The following PDILT variants were observed in gnomAD, a reference collection of about 807,000 sequenced individuals.
PDILT encodes protein disulfide-isomerase-like protein of the testis.
PDILT carries 43 observed loss-of-function variants against 53.7 expected under a neutral mutation model. The ratio of observed to expected loss-of-function variants is 0.80; its 90% CI spans 0.63 to 1.03. The LOEUF (loss-of-function observed/expected upper bound fraction) is 1.03, where lower values mean the gene tolerates loss of function less well. PDILT is among the 50% of genes least tolerant of loss of function. The pLI is 0.00. For missense variants in PDILT, 727 were observed against 712.3 expected (o/e 1.02, Z -0.24); for synonymous variants, 282 against 274.2 (o/e 1.03, Z -0.28).
Position 20,376,198 on chromosome 16 carries a change from A to G in PDILT, c.413T>C (p.Val138Ala). The change falls in exon 4 of 12, where the codon GTG (valine) becomes GCG (alanine). Residue 138 changes from valine (V) to alanine (A), a missense_variant. Val to Ala is a moderately conservative substitution (Grantham distance 64). Transcript: ENST00000302451. ...AACGACTAAGGCAGCAGATTCAACC[A>G]CTCCTGGAGAAAGACACAGTCAAAT... is the stretch of plus-strand genomic sequence containing the variant. ...NRSEPISCKG[V>A]VESAALVVWL... 1 of 1,613,764 alleles carries G rather than the reference A, an allele frequency of 6.2e-7. No individual in the cohort carries two copies. Among genetic ancestry groups the G allele is most frequent in the Non-Finnish European group, 8.5e-7 (1 of 1,179,900 alleles).
intron 5 of PDILT, among the ~76,000 whole-genome samples, chr16:20,374,426 A>T (rs1966353516): frequency 6.6e-6 from 1 of 151,866 alleles, no homozygotes; most frequent in South Asian, 2.1e-4. Flanking sequence ...GGAGATTATG[A>T]CTTTGGGCTT....
chr16:20,362,396 C>G lies in PDILT; in HGVS notation c.1416+8G>C, dbSNP rs748202857. 1.2e-6 allele frequency: 2 copies of G among 1,613,460 alleles called. No individual in the cohort carries two copies. Among genetic ancestry groups the G allele is most frequent in the Non-Finnish European group, 1.7e-6 (2 of 1,179,618 alleles). ...TTTTCAGCCATGTGCGTCCCAAGAG[C>G]CCCTCACTTGTTGAGAGCCGCTGGG... On this transcript the variant is annotated splice_region_variant and intron_variant, in intron 10 of 11. Coordinates refer to ENST00000302451, the MANE Select transcript of PDILT (RefSeq NM_174924.2).
At chr16:20,390,394 A>G (rs1966594109) in intron 2 of PDILT, among the ~76,000 whole-genome samples, 1 of 152,010 alleles carries the variant, frequency 6.6e-6, no homozygotes, top group Admixed American at 6.5e-5. Context: ...TCTGCCCTAA[A>G]TCTGCATGGA....
chr16:20,364,011 C>T (rs900803378), intron 9 of PDILT, among the ~76,000 whole-genome samples: 1 of 152,142 alleles, frequency 6.6e-6, no homozygotes, highest in South Asian at 2.1e-4. Context: ...GATGATCATA[C>T]CCCATTTACA....
intron 2 of PDILT, 68 bp downstream of exon 2, chr16:20,399,031 G>A: frequency 1.3e-6 from 2 of 1,544,316 alleles, no homozygotes; most frequent in Non-Finnish European, 1.8e-6. Context: ...AAACTCTTCT[G>A]GTCCCCACAC....
In PDILT at chr16:20,401,216, G is replaced by T. The variant is rs944989143; in HGVS notation, c.-7-1909C>A. Among the ~76,000 whole-genome samples, 3 of 152,208 alleles carry T rather than the reference G, an allele frequency of 2.0e-5. No homozygotes were observed. The East Asian group carries it at 5.8e-4, about 29-fold the overall frequency. On this transcript the variant is annotated intron_variant, in intron 1 of 11. Transcript: ENST00000302451. Reference sequence around the variant, plus strand: ...GCCTTGAGTCCTTGATGATCTCAAGGTCCCAGAATTCACCAGGTGTTATGC... The same window carrying T: ...GCCTTGAGTCCTTGATGATCTCAAGTTCCCAGAATTCACCAGGTGTTATGC...
chr16:20,394,138 AAAG>A (rs1242948295), intron 2 of PDILT, among the ~76,000 whole-genome samples: 3 of 152,200 alleles, frequency 2.0e-5, no homozygotes, highest in African/African-American at 7.2e-5. Flanking sequence ...ATGAATATGC[AAAG>A]AAGGTCAAGG....
intron 10 of PDILT, 125 bp from the exon 11 acceptor site, chr16:20,360,782 A>T (rs1198012661): frequency 1.4e-6 from 1 of 695,692 alleles, no homozygotes; most frequent in Non-Finnish European, 2.6e-6. Context: ...CAGGTTCCCT[A>T]ACCTCTCTTA....
Position 20,402,517 on chromosome 16 carries a change from T to C in PDILT, c.-8+1979A>G, listed in dbSNP as rs544540521. Among the ~76,000 whole-genome samples the C allele has an allele frequency of 1.4e-3, 207 of 152,332 alleles. 1 individual carries two copies. The highest frequency in any genetic ancestry group is 8.5e-4 in the Non-Finnish European group (58 of 68,032). On this transcript the variant is annotated intron_variant, in intron 1 of 11. Coordinates refer to ENST00000302451, the MANE Select transcript of PDILT (RefSeq NM_174924.2). ...TTTCGCCATGTTGGCCAGGCTGGTC[T>C]GGAACTCCTGACCTCAGGTGATCCG...
chr16:20,394,384 G>A (rs1966638671), intron 2 of PDILT, among the ~76,000 whole-genome samples: 1 of 152,172 alleles, frequency 6.6e-6, no homozygotes. Flanking sequence ...ATAGCAAAAA[G>A]CAGGTGCAAT....
intron 2 of PDILT, among the ~76,000 whole-genome samples, chr16:20,385,580 C>G (rs970814588): frequency 1.3e-5 from 2 of 152,064 alleles, no homozygotes; most frequent in African/African-American, 4.8e-5. Context: ...ATTGGAGACT[C>G]AGATGCGGGG....
At chr16:20,400,072 A>ATATATTTTTT (rs753235349) in intron 1 of PDILT, among the ~76,000 whole-genome samples, 1 of 137,494 alleles carries the variant, frequency 7.3e-6, no homozygotes, top group Admixed American at 7.2e-5. Context: ...ATATATATAT[A>ATATATTTTTT]TTTTTTGAGA....
chr16:20,385,892 TATG>T (rs1173738549), intron 2 of PDILT: 1 of 152,198 alleles, frequency 6.6e-6, no homozygotes, highest in Admixed American at 6.5e-5. Context: ...GGTCAGAAAT[TATG>T]GAGACAGAGA....
chr16:20,394,907 A>AG (rs2141619901), intron 2 of PDILT, among the ~76,000 whole-genome samples: 1 of 152,338 alleles, frequency 6.6e-6, no homozygotes, highest in South Asian at 2.1e-4. Context: ...CCTGGGACTA[A>AG]GATGATATGG....
rs748977651 is a variant in PDILT, at chr16:20,399,164, A to G, written c.137T>C (p.Leu46Pro). Residue 46 changes from leucine to proline, a missense_variant, in exon 2 of 12, where the codon CTA (leucine) becomes CCA (proline). Coordinates refer to ENST00000302451, the MANE Select transcript of PDILT (RefSeq NM_174924.2). ...GGTCAGGCCAGCGGGCGTTAGCACT[A>G]GGAGACTGCGTTCCTCCAGGATGTG... ...PVHILEERSLLVLTPAGLTQM... is the reference protein window; with the variant it reads ...PVHILEERSLPVLTPAGLTQM... 2.5e-6 allele frequency: 4 copies of G among 1,614,188 alleles called. No individual in the cohort carries two copies. The highest frequency in any genetic ancestry group is 1.6e-4 in the Middle Eastern group (1 of 6,062).
At chr16:20,378,028 T>G (rs971235200) in intron 3 of PDILT, among the ~76,000 whole-genome samples, 15 of 151,568 alleles carry the variant, frequency 9.9e-5, no homozygotes, top group African/African-American at 3.2e-4. Flanking sequence ...AGAGGGAAAG[T>G]CTTCTAGGAG....
chr16:20,374,696 C>G (rs1966357455), intron 5 of PDILT, 126 bp downstream of exon 5: 1 of 1,079,130 alleles, frequency 9.3e-7, no homozygotes, highest in South Asian at 1.7e-5. Flanking sequence ...TGTGACTTCA[C>G]AGAAGTCAAC....
intron 10 of PDILT, among the ~76,000 whole-genome samples, chr16:20,361,257 C>T (rs978552216): frequency 1.4e-5 from 2 of 142,172 alleles, no homozygotes; most frequent in Non-Finnish European, 3.0e-5. Flanking sequence ...GTGATCTCAG[C>T]TCACTGCAAC....
At chr16:20,386,319 C>T (rs991360726) in intron 2 of PDILT, among the ~76,000 whole-genome samples, 4 of 152,136 alleles carry the variant, frequency 2.6e-5, no homozygotes, top group Non-Finnish European at 4.4e-5. Flanking sequence ...AGGTTCCTCG[C>T]TACCCCATGA....
Sources: gnomAD v4.1 joint callset for allele counts (sites outside exome capture counted in the v4.1 genomes callset) on GRCh38, gnomAD v4.1.1 for gene constraint, MANE v1.5 for transcripts, NCBI Gene and HGNC (gene_info 2026-07-23, HGNC 2026-07-21) for gene names.